The following PTPRT variants were observed in gnomAD, a reference collection of about 807,000 sequenced individuals.
PTPRT encodes protein tyrosine phosphatase receptor type T, also known as receptor-type tyrosine-protein phosphatase T.
Under a neutral mutation model 176.8 loss-of-function variants are expected in PTPRT, and 56 were observed. The ratio of observed to expected loss-of-function variants is 0.32; its 90% CI spans 0.26 to 0.40. The LOEUF (loss-of-function observed/expected upper bound fraction) is 0.40, where lower values mean the gene tolerates loss of function less well. Ranked by LOEUF, PTPRT falls within the 10% of genes least tolerant of loss-of-function variation. PTPRT has a pLI of 1.00. For missense variants in PTPRT, 1,540 were observed against 1,908.2 expected (o/e 0.81, Z 3.60); for synonymous variants, 783 against 739.0 (o/e 1.06, Z -0.96).
At chr20:43,002,354 A>G (rs1984622058) in intron 1 of PTPRT, among the ~76,000 whole-genome samples, 1 of 99,408 alleles carries the variant, frequency 1.0e-5, no homozygotes, top group Non-Finnish European at 2.4e-5. Flanking sequence ...TCAGAAAGAT[A>G]ATAAGTATTA....
intron 1 of PTPRT, among the ~76,000 whole-genome samples, chr20:43,151,424 C>A (rs555520695): frequency 2.4e-4 from 37 of 151,692 alleles, no homozygotes; most frequent in Non-Finnish European, 4.1e-4. Context: ...ACTTTCCTGG[C>A]AAGAAAACTG....
At chr20:42,850,906 G>A (rs1017347861) in intron 2 of PTPRT, among the ~76,000 whole-genome samples, 1 of 152,066 alleles carries the variant, frequency 6.6e-6, no homozygotes, top group African/African-American at 2.4e-5. Flanking sequence ...CTCACAGATG[G>A]GAAAAAACAA....
intron 2 of PTPRT, among the ~76,000 whole-genome samples, chr20:42,800,549 T>A (rs1422843356): frequency 6.6e-6 from 1 of 152,204 alleles, no homozygotes; most frequent in African/African-American, 2.4e-5. Context: ...GACATGGAAC[T>A]AAAATATATA....
intron 9 of PTPRT, among the ~76,000 whole-genome samples, chr20:42,385,241 T>G (rs2058733968): frequency 6.6e-6 from 1 of 152,228 alleles, no homozygotes; most frequent in Non-Finnish European, 1.5e-5. Context: ...TTAATATTAG[T>G]ACATTAAATC....
intron 2 of PTPRT, among the ~76,000 whole-genome samples, chr20:42,808,375 G>A (rs187145153): frequency 1.1e-4 from 16 of 152,276 alleles, no homozygotes; most frequent in Admixed American, 3.3e-4. Flanking sequence ...ATTTGCGTTG[G>A]TTCTTTAAAA....
intron 7 of PTPRT, among the ~76,000 whole-genome samples, chr20:42,518,001 GTTAC>G (rs1275101033): frequency 1.3e-5 from 2 of 151,868 alleles, no homozygotes; most frequent in Admixed American, 1.3e-4. Flanking sequence ...TGATTAAAAT[GTTAC>G]TTACTGAGAG....
chr20:42,433,948 A>G (rs1418286551), intron 9 of PTPRT, among the ~76,000 whole-genome samples: 1 of 152,222 alleles, frequency 6.6e-6, no homozygotes, highest in African/African-American at 2.4e-5. Flanking sequence ...AGTAAGATCA[A>G]TCAACACATC....
intron 1 of PTPRT, among the ~76,000 whole-genome samples, chr20:42,908,164 G>T (rs970345026): frequency 6.6e-6 from 1 of 151,996 alleles, no homozygotes; most frequent in African/African-American, 2.4e-5. Context: ...GAGAACGGGG[G>T]ATAAGCATCT....
At chr20:42,947,567 G>A (rs1980961601) in intron 1 of PTPRT, among the ~76,000 whole-genome samples, 1 of 152,138 alleles carries the variant, frequency 6.6e-6, no homozygotes, top group Non-Finnish European at 1.5e-5. Context: ...ATGTTTGAGG[G>A]CACAGAAGAA....
rs375508524 is a variant in PTPRT, at chr20:42,740,991, G to A, written c.859+15471C>T. The stretch of plus-strand genomic sequence containing the variant: ...AGAACTTGAGAGAGAGAGTGTGCAT[G>A]TGCATGTGCATGCTGGAGAAAGGAT... On this transcript the variant is annotated intron_variant, in intron 6 of 30. Transcript: ENST00000373187. 2.1e-3 allele frequency among the ~76,000 whole-genome samples: 320 copies of A among 152,336 alleles called. 1 individual carries two copies. In the South Asian group the frequency reaches 0.023, roughly 11 times the overall value.
chr20:43,142,574 G>GA (rs377541820), intron 1 of PTPRT, among the ~76,000 whole-genome samples: 89 of 151,892 alleles, frequency 5.9e-4, no homozygotes, highest in Middle Eastern at 3.4e-3. Context: ...TCTACAGAAG[G>GA]AAAAAACCAT....
At chr20:42,605,758 C>G (rs1226811931) in intron 7 of PTPRT, among the ~76,000 whole-genome samples, 1 of 152,208 alleles carries the variant, frequency 6.6e-6, no homozygotes, top group Non-Finnish European at 1.5e-5. Flanking sequence ...GCTCTCTCCC[C>G]CTCCTACAGG....
intron 11 of PTPRT, among the ~76,000 whole-genome samples, chr20:42,328,066 G>A (rs990186782): frequency 1.3e-5 from 2 of 151,958 alleles, no homozygotes; most frequent in Non-Finnish European, 2.9e-5. Flanking sequence ...ACCTCCAACT[G>A]GGGAAAATAG....
chr20:42,112,963 T>C (rs549319829), intron 22 of PTPRT, among the ~76,000 whole-genome samples: 1 of 152,316 alleles, frequency 6.6e-6, no homozygotes, highest in Non-Finnish European at 1.5e-5. Context: ...TTCGAGCTCT[T>C]CCCACCTGTG....
Position 42,103,110 on chromosome 20 carries a change from A to G in PTPRT, c.3541-813T>C, listed in dbSNP as rs191657993. Among the ~76,000 whole-genome samples the G allele has an allele frequency of 2.5e-3, 386 of 152,240 alleles. 2 individuals are homozygous for G. Among genetic ancestry groups the G allele is most frequent in the Non-Finnish European group, 4.7e-3 (317 of 68,024 alleles). ...ACCTGGAGCTTCCTTGCTTTCTCAT[A>G]CCTGGTTCTCAGCTCCTGTTGCCCA... On this transcript the variant is annotated intron_variant, in intron 25 of 30. Transcript: ENST00000373187.
At chr20:42,181,300 G>A (rs1482329761) in intron 16 of PTPRT, among the ~76,000 whole-genome samples, 1 of 152,154 alleles carries the variant, frequency 6.6e-6, no homozygotes, top group Non-Finnish European at 1.5e-5. Context: ...AAGGGTAGGG[G>A]CAGTAGGGGA....
At chr20:42,801,796 T>A (rs2077534727) in intron 2 of PTPRT, among the ~76,000 whole-genome samples, 1 of 152,180 alleles carries the variant, frequency 6.6e-6, no homozygotes, top group South Asian at 2.1e-4. Context: ...GAATGTTCCA[T>A]GCAGATGAAA....
chr20:43,107,460 T>C (rs2012665451), intron 1 of PTPRT, among the ~76,000 whole-genome samples: 1 of 152,136 alleles, frequency 6.6e-6, no homozygotes, highest in Non-Finnish European at 1.5e-5. Context: ...GTTGAAAGAA[T>C]GAAATAAAAT....
In PTPRT at chr20:42,080,377, GT is replaced by G. The variant is rs1212139775; in HGVS notation, c.*501del. The G allele has an allele frequency of 8.5e-6, 2 of 234,202 alleles. No homozygotes were observed. The highest frequency in any genetic ancestry group is 4.4e-5 in the African/African-American group (2 of 45,270). 14.5% of individuals were successfully genotyped at this position (234,202 alleles called of 1,614,324 possible). A position where few individuals can be genotyped will look rare whatever the true frequency, so the allele number is the denominator to read the frequency against. On this transcript the variant is annotated 3_prime_UTR_variant, in exon 31 of 31. Transcript: ENST00000373187. ...GGTCACACTGGTCCAGACTGCAAAT[GT>G]CTGGTGCCAGAGGCCCCTGAAGGAG...
Sources: allele counts gnomAD v4.1 joint callset (sites outside exome capture counted in the v4.1 genomes callset), GRCh38; gene constraint gnomAD v4.1.1; transcripts MANE v1.5; gene names NCBI Gene and HGNC (gene_info 2026-07-23, HGNC 2026-07-21).